DGKB: variants seen among roughly 807,000 people sequenced by gnomAD.
DGKB encodes diacylglycerol kinase beta, also known as 90 kDa diacylglycerol kinase.
Under a neutral mutation model 114.3 loss-of-function variants are expected in DGKB, and 67 were observed. The ratio of observed to expected loss-of-function variants is 0.59; its 90% CI spans 0.48 to 0.72. DGKB has a LOEUF of 0.72. Ranked by LOEUF, DGKB falls within the 30% of genes least tolerant of loss-of-function variation. The pLI, the probability that DGKB is intolerant of heterozygous loss-of-function variation, is 0.00. For missense variants in DGKB, 907 were observed against 975.2 expected (o/e 0.93, Z 0.93); for synonymous variants, 398 against 323.1 (o/e 1.23, Z -2.49).
At chr7:14,297,633 G>GAAAACTGGTGCA (rs1802809379) in intron 23 of DGKB, among the ~76,000 whole-genome samples, 2 of 152,130 alleles carry the variant, frequency 1.3e-5, no homozygotes, top group South Asian at 4.1e-4. Flanking sequence ...CATTCTCTTT[G>GAAAACTGGTGCA]AAAACTGGTG....
At chr7:14,657,143 C>T (rs34981814) in intron 13 of DGKB, among the ~76,000 whole-genome samples, 41,004 of 151,568 alleles carry the variant, frequency 0.27, 7,263 homozygotes, top group East Asian at 0.73. Flanking sequence ...TGCTATGACT[C>T]TTTAAAATAC....
intron 13 of DGKB, among the ~76,000 whole-genome samples, chr7:14,658,900 A>G (rs1351154801): frequency 6.6e-6 from 1 of 151,774 alleles, no homozygotes; most frequent in Admixed American, 6.6e-5. Flanking sequence ...TATTAACTCT[A>G]TTCTTCTTTT....
chr7:14,229,038 T>A (rs550783460), intron 23 of DGKB, among the ~76,000 whole-genome samples: 9 of 152,080 alleles, frequency 5.9e-5, no homozygotes, highest in African/African-American at 2.2e-4. Context: ...ACAAAACCAA[T>A]GTATATGTAT....
At chr7:14,447,802 T>C (rs1300948302) in intron 21 of DGKB, among the ~76,000 whole-genome samples, 1 of 152,100 alleles carries the variant, frequency 6.6e-6, no homozygotes, top group African/African-American at 2.4e-5. Context: ...TCTAAGCTCC[T>C]TTTGTGTATC....
At chr7:14,803,638 T>C (rs189745030) in intron 2 of DGKB, among the ~76,000 whole-genome samples, 23 of 150,360 alleles carry the variant, frequency 1.5e-4, no homozygotes, top group African/African-American at 5.5e-4. Flanking sequence ...TATGATTGCT[T>C]TTTAATGTAA....
Position 14,618,772 on chromosome 7 carries a change from A to G in DGKB, c.1284+2606T>C, listed in dbSNP as rs1807038539. ...CATTATGCTGGTTAGCTGGAAAGAA[A>G]TAAGATGAATGTGCTTAACTATGAT... is the stretch of plus-strand genomic sequence containing the variant. On this transcript the variant is annotated intron_variant, in intron 15 of 25. Transcript: ENST00000402815. Among the ~76,000 whole-genome samples the G allele has an allele frequency of 2.0e-5, 3 of 151,552 alleles. No homozygotes were observed. The Admixed American group carries it at 2.0e-4, about 10-fold the overall frequency.
chr7:14,229,229 T>TGA (rs1791325158), intron 23 of DGKB, among the ~76,000 whole-genome samples: 1 of 152,010 alleles, frequency 6.6e-6, no homozygotes, highest in African/African-American at 2.4e-5. Context: ...CATACACTCA[T>TGA]ATACAGTAAT....
At chr7:14,592,299 C>A (rs181232499) in intron 17 of DGKB, among the ~76,000 whole-genome samples, 1 of 144,328 alleles carries the variant, frequency 6.9e-6, no homozygotes. Flanking sequence ...CATCAATTCT[C>A]TTTTTCCTCG....
intron 4 of DGKB, among the ~76,000 whole-genome samples, 154 bp downstream of exon 4, chr7:14,753,774 T>C (rs1723225): frequency 0.36 from 54,082 of 151,932 alleles, 13,327 homozygotes; most frequent in African/African-American, 0.69. Context: ...ACATCCAGCT[T>C]AGTTATAACC....
intron 23 of DGKB, among the ~76,000 whole-genome samples, chr7:14,326,160 T>C (rs544482727): frequency 6.6e-6 from 1 of 152,076 alleles, no homozygotes; most frequent in South Asian, 2.1e-4. Flanking sequence ...AGAAACTCAG[T>C]AGCCTTCAAT....
At position 14,842,272 on chromosome 7, in the gene DGKB, G is replaced by C. The variant is rs552274387; in HGVS notation, c.-187-822C>G. Among the ~76,000 whole-genome samples the C allele has an allele frequency of 6.6e-5, 10 of 152,290 alleles. No individual in the cohort carries two copies. In the South Asian group the frequency reaches 2.1e-3, roughly 32 times the overall value. On this transcript the variant is annotated intron_variant, in intron 1 of 25. Transcript: ENST00000402815. ...AAAGTCACCTTACTTCTACAGACAA[G>C]ACTCATTTGGTCTTAGTGCCTTGCC...
rs910593527 is a variant in DGKB at position 14,634,793 on chromosome 7, TG to T, written c.1135-4526del. Among the ~76,000 whole-genome samples, 31 of 151,802 alleles carry T rather than the reference TG, an allele frequency of 2.0e-4. No homozygotes were observed. In the East Asian group the frequency reaches 3.1e-3, roughly 15 times the overall value. On this transcript the variant is annotated intron_variant, in intron 13 of 25. Transcript: ENST00000402815. ...AAATTACATATATTTTTGGCTTCCA[TG>T]TTTTTTTTATATTTCAGTTTCATAT... is the stretch of plus-strand genomic sequence containing the variant.
At chr7:14,393,410 A>G (rs1821733085) in intron 21 of DGKB, among the ~76,000 whole-genome samples, 1 of 152,160 alleles carries the variant, frequency 6.6e-6, no homozygotes, top group African/African-American at 2.4e-5. Flanking sequence ...CTTTCTCATT[A>G]GTATACCATA....
chr7:14,556,537 TCCCCTATG>T (rs1795900404), intron 20 of DGKB, among the ~76,000 whole-genome samples: 1 of 152,220 alleles, frequency 6.6e-6, no homozygotes, highest in African/African-American at 2.4e-5. Flanking sequence ...TTGGAATGCA[TCCCCTATG>T]CCCCTATACG....
chr7:14,901,129 A>G (rs1481114537), intron 1 of DGKB, among the ~76,000 whole-genome samples: 3 of 152,218 alleles, frequency 2.0e-5, no homozygotes, highest in African/African-American at 4.8e-5. Flanking sequence ...TGGATCGCCT[A>G]TAACAAATTG....
Position 14,818,987 on chromosome 7 carries a change from T to C in DGKB, c.70+22207A>G, listed in dbSNP as rs143960950. Among the ~76,000 whole-genome samples, 11 of 152,330 alleles carry C rather than the reference T, an allele frequency of 7.2e-5. No individual in the cohort carries two copies. In the East Asian group the frequency reaches 1.9e-3, roughly 27 times the overall value. ...ATAGCAAATATTTAGTTATTGATTA[T>C]GGAACTGAGCGTATCAAATCTTTAG... On this transcript the variant is annotated intron_variant, in intron 2 of 25. Transcript: ENST00000402815.
At chr7:14,499,618 C>T (rs1785820228) in intron 20 of DGKB, among the ~76,000 whole-genome samples, 1 of 151,744 alleles carries the variant, frequency 6.6e-6, no homozygotes, top group Non-Finnish European at 1.5e-5. Flanking sequence ...TTTGAAAATT[C>T]TTTTTACAAG....
intron 13 of DGKB, among the ~76,000 whole-genome samples, chr7:14,655,909 G>A (rs1336979249): frequency 5.3e-5 from 8 of 151,530 alleles, no homozygotes. Context: ...AGAGAAGTTG[G>A]TTAACTGATA....
chr7:14,893,349 G>C (rs1037980764), intron 1 of DGKB, among the ~76,000 whole-genome samples: 1 of 151,382 alleles, frequency 6.6e-6, no homozygotes, highest in African/African-American at 2.4e-5. Context: ...ATCCTTAAAA[G>C]ACGTTTTTTC....
Sources: gnomAD v4.1 joint callset for allele counts (sites outside exome capture counted in the v4.1 genomes callset) on GRCh38, gnomAD v4.1.1 for gene constraint, MANE v1.5 for transcripts, NCBI Gene and HGNC (gene_info 2026-07-23, HGNC 2026-07-21) for gene names.